HYDIN: variants seen among roughly 807,000 people sequenced by gnomAD.
The protein encoded by HYDIN is HYDIN axonemal central pair apparatus protein.
In HYDIN, 132 loss-of-function variants were observed where a neutral mutation model predicts 403.9. The ratio of observed to expected loss-of-function variants is 0.33; its 90% confidence interval spans 0.28 to 0.38. The LOEUF is 0.38. Among genes scored for constraint, HYDIN ranks in the 10% least tolerant of loss-of-function variants. HYDIN has a pLI of 1.00. For synonymous variants in HYDIN, 1,202 were observed against 1,891.7 expected (o/e 0.64, Z 9.46); for missense variants, 2,827 against 5,009.5 (o/e 0.56, Z 13.15).
At chr16:71,002,303 T>C (rs2079744792) in intron 23 of HYDIN, among the ~76,000 whole-genome samples, 1 of 152,220 alleles carries the variant, frequency 6.6e-6, no homozygotes, top group African/African-American at 2.4e-5. Context: ...CCCAGTACTT[T>C]GGGAGCCCAA....
intron 75 of HYDIN, among the ~76,000 whole-genome samples, chr16:70,845,780 G>C (rs963925343): frequency 7.3e-6 from 1 of 136,440 alleles, no homozygotes; most frequent in Non-Finnish European, 1.5e-5. Flanking sequence ...GAGAGTGTAT[G>C]TGTCGAGGAA....
At position 71,115,714 on chromosome 16, in the gene HYDIN, T is replaced by C. The variant is rs562441084; in HGVS notation, c.1309A>G (p.Ile437Val). ...PLEAKLYQQT[I>V]YCDILGREIR... ...TCACTACCTAAAATGTCGCAGTAAA[T>C]GGTCTGTTGATAGAGCTTGGCTTCT... The change falls in exon 10 of 86, where the codon ATT (isoleucine) becomes GTT (valine). Residue 437 changes from isoleucine (I) to valine (V), a missense_variant. Coordinates refer to ENST00000393567, the MANE Select transcript of HYDIN (RefSeq NM_001270974.2). 2.8e-4 allele frequency: 256 copies of C among 904,744 alleles called. 4 individuals are homozygous for C. In the South Asian group the frequency reaches 3.5e-3, roughly 12 times the overall value. The allele number at this position is 904,744 out of a possible 1,614,324, so 56.0% of individuals were successfully genotyped here. A position where few individuals can be genotyped will look rare whatever the true frequency, so the allele number is the denominator to read the frequency against.
chr16:70,931,208 CTGTTT>C (rs1287163944), intron 45 of HYDIN, among the ~76,000 whole-genome samples: 38 of 78,240 alleles, frequency 4.9e-4, no homozygotes, highest in Middle Eastern at 6.3e-3. Flanking sequence ...TCTCTTTCTT[CTGTTT>C]TTTTTTTTTT....
At chr16:71,217,335 T>C (rs1173518277) in intron 1 of HYDIN, among the ~76,000 whole-genome samples, 1 of 152,210 alleles carries the variant, frequency 6.6e-6, no homozygotes, top group African/African-American at 2.4e-5. Flanking sequence ...TTGATGGACC[T>C]TTCTCCAGAA....
At chr16:71,212,317 C>T (rs546552608) in intron 1 of HYDIN, among the ~76,000 whole-genome samples, 2 of 152,236 alleles carry the variant, frequency 1.3e-5, no homozygotes, top group South Asian at 4.1e-4. Flanking sequence ...TCTCCCTTAC[C>T]TAAGTCATAA....
At chr16:71,112,370 GTTCA>G (rs1265477882) in intron 10 of HYDIN, among the ~76,000 whole-genome samples, 2 of 143,632 alleles carry the variant, frequency 1.4e-5, no homozygotes, top group Non-Finnish European at 3.0e-5. Context: ...GATAACAACT[GTTCA>G]TTCAGGAGGT....
At chr16:71,224,803 C>T (rs867994496) in intron 1 of HYDIN, among the ~76,000 whole-genome samples, 8 of 152,002 alleles carry the variant, frequency 5.3e-5, no homozygotes, top group Admixed American at 3.3e-4. Flanking sequence ...CCTCGTGATC[C>T]GCCCGCCTCG....
chr16:70,894,592 G>C, intron 54 of HYDIN, 44 bp from the exon 55 acceptor site: 1 of 1,174,422 alleles, frequency 8.5e-7, no homozygotes. Context: ...GAATGGGCAT[G>C]AGAGTGGGAA....
Position 70,806,249 on chromosome 16 carries a change from T to C in HYDIN, c.*1331A>G, listed in dbSNP as rs1180962909. 1.3e-5 allele frequency among the ~76,000 whole-genome samples: 2 copies of C among 152,190 alleles called. No individual in the cohort carries two copies. The highest frequency in any genetic ancestry group is 2.9e-5 in the Non-Finnish European group (2 of 68,034). The stretch of plus-strand genomic sequence containing the variant: ...GGAAAATACCACAGTATATGGAGTG[T>C]TCAGTACTATCTGTGGTTTCAGGCA... On this transcript the variant is annotated 3_prime_UTR_variant, in exon 86 of 86. Transcript: ENST00000393567.
At chr16:70,981,807 A>C (rs1231861013) in intron 28 of HYDIN, among the ~76,000 whole-genome samples, 1 of 152,112 alleles carries the variant, frequency 6.6e-6, no homozygotes, top group Non-Finnish European at 1.5e-5. Context: ...TAAGAAGATA[A>C]GGAGAAAAGT....
At chr16:71,148,865 TCTCCCGC>T (rs1173200140) in intron 7 of HYDIN, among the ~76,000 whole-genome samples, 1 of 133,890 alleles carries the variant, frequency 7.5e-6, no homozygotes, top group African/African-American at 3.2e-5. Flanking sequence ...TTCAAGCTAT[TCTCCCGC>T]CTCAGCTTCC....
chr16:71,066,495 T>C (rs1332471387), intron 15 of HYDIN: 6 of 160,378 alleles, frequency 3.7e-5, no homozygotes, highest in Non-Finnish European at 6.8e-5. Context: ...TTAGCATGAT[T>C]ATCAGTTTTC....
intron 44 of HYDIN, among the ~76,000 whole-genome samples, chr16:70,936,719 A>C (rs1297286620): frequency 6.7e-6 from 1 of 148,716 alleles, no homozygotes; most frequent in Non-Finnish European, 1.5e-5. Flanking sequence ...TTTAGTAGAG[A>C]CGGGGTTTCG....
chr16:70,948,396 G>C (rs567123848), intron 41 of HYDIN, among the ~76,000 whole-genome samples: 3 of 152,004 alleles, frequency 2.0e-5, no homozygotes, highest in African/African-American at 7.2e-5. Context: ...CATAGGCATG[G>C]GCAAGGACTT....
intron 35 of HYDIN, among the ~76,000 whole-genome samples, chr16:70,972,050 AT>A (rs56408414): frequency 6.1e-4 from 91 of 148,942 alleles, no homozygotes; most frequent in Middle Eastern, 3.5e-3. Flanking sequence ...GAACAAATCT[AT>A]TTTTTTTTTT....
At chr16:71,153,025 G>C in intron 6 of HYDIN, 1 of 394,622 alleles carries the variant, frequency 2.5e-6, no homozygotes, top group Non-Finnish European at 4.8e-6. Flanking sequence ...ATTCTTGTTT[G>C]TGTCCTTGCC....
chr16:70,918,533 A>C (rs1406934265), intron 46 of HYDIN, 104 bp from the exon 47 acceptor site: 2 of 686,126 alleles, frequency 2.9e-6, no homozygotes, highest in Non-Finnish European at 4.9e-6. Flanking sequence ...CTGCCTTTGC[A>C]ACTGGGCTGT....
intron 12 of HYDIN, among the ~76,000 whole-genome samples, chr16:71,085,800 G>A (rs1283776974): frequency 3.3e-5 from 5 of 152,076 alleles, no homozygotes; most frequent in Non-Finnish European, 7.4e-5. Flanking sequence ...TGTTTGCATG[G>A]TGTATATATT....
chr16:71,153,137 A>AAT (rs57083872), intron 6 of HYDIN, among the ~76,000 whole-genome samples: 13,065 of 152,092 alleles, frequency 0.086, 1,829 homozygotes, highest in African/African-American at 0.3. Context: ...GTCCTCAAAC[A>AAT]CTGAGATTGC....
Sources: gnomAD v4.1 joint callset for allele counts (sites outside exome capture counted in the v4.1 genomes callset) on GRCh38, gnomAD v4.1.1 for gene constraint, MANE v1.5 for transcripts, NCBI Gene and HGNC (gene_info 2026-07-23, HGNC 2026-07-21) for gene names.